Variants in STIM1 observed in about 807,000 individuals in gnomAD.
STIM1 encodes the protein stromal interaction molecule 1.
A neutral mutation model predicts 74.7 loss-of-function variants in STIM1; 25 were observed. That is an observed-to-expected ratio of 0.33 (90% CI 0.24 to 0.47). STIM1 has a LOEUF of 0.47. Ranked by LOEUF, STIM1 falls within the 20% of genes least tolerant of loss-of-function variation. The probability of loss-of-function intolerance (pLI) is 1.00; values close to 1 mark genes in which losing one functional copy is unlikely to be tolerated. For missense variants in STIM1, 728 were observed against 920.8 expected (o/e 0.79, Z 2.71); for synonymous variants, 328 against 348.8 (o/e 0.94, Z 0.66).
At chr11:4,044,259 G>A (rs1234267187) in intron 3 of STIM1, among the ~76,000 whole-genome samples, 1 of 152,146 alleles carries the variant, frequency 6.6e-6, no homozygotes, top group African/African-American at 2.4e-5. Flanking sequence ...GGACATATGA[G>A]TCATTTGGAG....
At chr11:3,926,856 A>G (rs1432566568) in intron 1 of STIM1, among the ~76,000 whole-genome samples, 2 of 152,222 alleles carry the variant, frequency 1.3e-5, no homozygotes, top group African/African-American at 2.4e-5. Context: ...AGGCCTCAAT[A>G]GGTAGGGATT....
chr11:3,899,360 T>C (rs1159168152), intron 1 of STIM1, among the ~76,000 whole-genome samples: 1 of 152,234 alleles, frequency 6.6e-6, no homozygotes, highest in Non-Finnish European at 1.5e-5. Flanking sequence ...TTTTGTACAT[T>C]GATTTTGTAT....
At chr11:4,031,586 A>G (rs906201489) in intron 3 of STIM1, among the ~76,000 whole-genome samples, 23 of 152,336 alleles carry the variant, frequency 1.5e-4, no homozygotes, top group African/African-American at 5.3e-4. Context: ...CCATTCTGAT[A>G]GTATAATGAT....
chr11:4,078,598 G>A (rs1412589162), intron 7 of STIM1, among the ~76,000 whole-genome samples: 9 of 148,304 alleles, frequency 6.1e-5, no homozygotes, highest in African/African-American at 2.0e-4. Flanking sequence ...ATGGAGTCTC[G>A]CTCTTGTCGC....
chr11:3,932,324 CATTAGG>C (rs2092874794), intron 1 of STIM1, among the ~76,000 whole-genome samples: 1 of 152,138 alleles, frequency 6.6e-6, no homozygotes, highest in Non-Finnish European at 1.5e-5. Flanking sequence ...GTGATTAGGT[CATTAGG>C]ACAGAGCCCT....
intron 5 of STIM1, among the ~76,000 whole-genome samples, chr11:4,064,454 T>G (rs2094352282): frequency 6.6e-6 from 1 of 152,180 alleles, no homozygotes; most frequent in Non-Finnish European, 1.5e-5. Context: ...TAAGGCTGAG[T>G]GAGCAGACAC....
At chr11:3,934,136 G>T (rs1222001935) in intron 1 of STIM1, among the ~76,000 whole-genome samples, 1 of 152,116 alleles carries the variant, frequency 6.6e-6, no homozygotes, top group African/African-American at 2.4e-5. Context: ...GGTGGGAGAG[G>T]GGTCTGTGTA....
intron 8 of STIM1, 70 bp from the exon 9 acceptor site, chr11:4,082,812 G>C (rs1231440969): frequency 1.5e-6 from 2 of 1,307,738 alleles, no homozygotes; most frequent in South Asian, 2.4e-5. Context: ...CAGCCATAGG[G>C]GAAGGCCTTT....
chr11:3,911,631 C>T (rs960502161), intron 1 of STIM1, among the ~76,000 whole-genome samples: 7 of 152,066 alleles, frequency 4.6e-5, no homozygotes, highest in Non-Finnish European at 8.8e-5. Context: ...AAGTGATCCT[C>T]CTGTCTTGGC....
chr11:3,907,199 A>G (rs1040797716), intron 1 of STIM1, among the ~76,000 whole-genome samples: 3 of 152,192 alleles, frequency 2.0e-5, no homozygotes, highest in Admixed American at 6.5e-5. Context: ...AAAAACGAAC[A>G]AAACGGGGTT....
At chr11:4,082,731 T>A in intron 8 of STIM1, 151 bp from the exon 9 acceptor site, 1 of 687,090 alleles carries the variant, frequency 1.5e-6, no homozygotes, top group Non-Finnish European at 2.6e-6. Flanking sequence ...CTACCTTGCC[T>A]GCCTTTCTCT....
At chr11:4,036,219 G>GTA (rs71302027) in intron 3 of STIM1, among the ~76,000 whole-genome samples, 3,761 of 152,192 alleles carry the variant, frequency 0.025, 52 homozygotes, top group Non-Finnish European at 0.032. Flanking sequence ...GTATTCCATG[G>GTA]TATATATATA....
At chr11:4,006,115 G>A (rs1018949900) in intron 2 of STIM1, among the ~76,000 whole-genome samples, 2 of 152,060 alleles carry the variant, frequency 1.3e-5, no homozygotes, top group Non-Finnish European at 2.9e-5. Context: ...TTGGATTATC[G>A]GGGTGATGTT....
intron 6 of STIM1, among the ~76,000 whole-genome samples, chr11:4,071,316 A>G (rs1383156615): frequency 6.6e-6 from 1 of 151,968 alleles, no homozygotes; most frequent in Non-Finnish European, 1.5e-5. Flanking sequence ...TGTAAAAGGA[A>G]ATGAAGTCTT....
At chr11:3,968,944 T>C (rs1052160842) in intron 2 of STIM1, among the ~76,000 whole-genome samples, 3 of 152,214 alleles carry the variant, frequency 2.0e-5, no homozygotes, top group Non-Finnish European at 4.4e-5. Flanking sequence ...AGGTTAAGCA[T>C]TTTCTTCAGG....
At position 4,091,995 on chromosome 11, in the gene STIM1, G is replaced by A; in HGVS notation, c.*197G>A. On this transcript the variant is annotated 3_prime_UTR_variant, in exon 13 of 13. Coordinates refer to ENST00000526596, the MANE Select transcript of STIM1 (RefSeq NM_001382567.1). ...ATTTATTAACTGACCACCATGGCCT[G>A]CCTGCCCTGCCTCCGTCCCAACCAT... 1 of 719,730 alleles carries A rather than the reference G, an allele frequency of 1.4e-6. No homozygotes were observed. The highest frequency in any genetic ancestry group is 2.3e-6 in the Non-Finnish European group (1 of 433,938). 44.6% of individuals were successfully genotyped at this position (719,730 alleles called of 1,614,324 possible).
At chr11:4,045,600 C>G (rs989912584) in intron 3 of STIM1, among the ~76,000 whole-genome samples, 3 of 151,518 alleles carry the variant, frequency 2.0e-5, no homozygotes, top group African/African-American at 7.3e-5. Flanking sequence ...TAGGCATGTA[C>G]TACCACACCT....
intron 1 of STIM1, among the ~76,000 whole-genome samples, chr11:3,871,725 G>T (rs2091103463): frequency 6.6e-6 from 1 of 152,036 alleles, no homozygotes; most frequent in Non-Finnish European, 1.5e-5. Context: ...GGAAAATCTG[G>T]TTTAATAAAA....
intron 1 of STIM1, among the ~76,000 whole-genome samples, chr11:3,909,585 G>C (rs527515274): frequency 2.6e-5 from 4 of 152,308 alleles, no homozygotes; most frequent in Non-Finnish European, 5.9e-5. Flanking sequence ...AGCACTTTGA[G>C]AGGCTGAGGC....
Sources: gnomAD v4.1 joint callset for allele counts (sites outside exome capture counted in the v4.1 genomes callset) on GRCh38, gnomAD v4.1.1 for gene constraint, MANE v1.5 for transcripts, NCBI Gene and HGNC (gene_info 2026-07-23, HGNC 2026-07-21) for gene names.